NRG3: variants seen among roughly 807,000 people sequenced by gnomAD.
NRG3 encodes the protein pro-neuregulin-3, membrane-bound isoform.
In NRG3, 31 loss-of-function variants were observed where a neutral mutation model predicts 66.9. The ratio of observed to expected loss-of-function variants is 0.46; its 90% CI spans 0.35 to 0.63. NRG3 has a LOEUF of 0.63. Ranked by LOEUF, NRG3 falls within the 20% of genes least tolerant of loss-of-function variation. NRG3 has a pLI of 0.00. For missense variants in NRG3, 910 were observed against 878.9 expected (o/e 1.04, Z -0.45); for synonymous variants, 393 against 359.4 (o/e 1.09, Z -1.06).
intron 2 of NRG3, among the ~76,000 whole-genome samples, chr10:82,627,027 T>G (rs2049476366): frequency 6.6e-6 from 1 of 152,096 alleles, no homozygotes; most frequent in African/African-American, 2.4e-5. Flanking sequence ...CATATTGATG[T>G]TCATTGTAGT....
chr10:82,264,870 G>T (rs978155502), intron 1 of NRG3, among the ~76,000 whole-genome samples: 8 of 152,260 alleles, frequency 5.3e-5, no homozygotes, highest in Non-Finnish European at 8.8e-5. Flanking sequence ...ATAAAAGCCT[G>T]CCTGGAATGG....
chr10:82,972,317 A>T (rs1005919646), intron 6 of NRG3, among the ~76,000 whole-genome samples: 6 of 152,052 alleles, frequency 3.9e-5, no homozygotes, highest in African/African-American at 1.4e-4. Flanking sequence ...CCCAGCTAGG[A>T]TTTTTTGTTT....
chr10:82,314,031 AGT>A (rs2081173072), intron 1 of NRG3, among the ~76,000 whole-genome samples: 6 of 152,234 alleles, frequency 3.9e-5, no homozygotes, highest in African/African-American at 1.4e-4. Context: ...GCCTTGGGCA[AGT>A]TACTTGACTT....
intron 6 of NRG3, among the ~76,000 whole-genome samples, chr10:82,962,562 G>A (rs982423532): frequency 6.6e-6 from 1 of 152,148 alleles, no homozygotes; most frequent in Admixed American, 6.5e-5. Context: ...GCCTAGGCCA[G>A]GCGCAGTGGC....
At chr10:82,749,416 A>G (rs1471361446) in intron 3 of NRG3, among the ~76,000 whole-genome samples, 1 of 152,054 alleles carries the variant, frequency 6.6e-6, no homozygotes, top group Non-Finnish European at 1.5e-5. Flanking sequence ...CAAATGCCTA[A>G]GTTTCACCAC....
chr10:82,422,763 T>C (rs962086032), intron 2 of NRG3, among the ~76,000 whole-genome samples: 1 of 152,042 alleles, frequency 6.6e-6, no homozygotes, highest in African/African-American at 2.4e-5. Flanking sequence ...TTAAGGCAGC[T>C]TTGCTATGTG....
At chr10:82,080,066 G>A (rs1215579790) in intron 1 of NRG3, among the ~76,000 whole-genome samples, 2 of 152,128 alleles carry the variant, frequency 1.3e-5, no homozygotes, top group South Asian at 2.1e-4. Flanking sequence ...CGGGAGGTCT[G>A]CAAGGCAATC....
chr10:82,723,107 A>C (rs576670640), intron 2 of NRG3, among the ~76,000 whole-genome samples: 1 of 152,344 alleles, frequency 6.6e-6, no homozygotes, highest in East Asian at 1.9e-4. Context: ...AAGAAAAATG[A>C]GGTAATATAC....
chr10:82,984,732 A>G (rs1352703509), intron 8 of NRG3: 11 of 1,545,746 alleles, frequency 7.1e-6, no homozygotes, highest in Non-Finnish European at 9.6e-6. Flanking sequence ...TGTTTGTCAC[A>G]ATGGAAAGGC....
intron 1 of NRG3, among the ~76,000 whole-genome samples, chr10:82,336,005 C>T (rs961759038): frequency 2.0e-5 from 3 of 152,074 alleles, no homozygotes; most frequent in African/African-American, 4.8e-5. Context: ...CATTGCAGCT[C>T]AAAAAGCCAT....
chr10:81,994,611 A>T (rs560418371), intron 1 of NRG3, among the ~76,000 whole-genome samples: 1 of 152,084 alleles, frequency 6.6e-6, no homozygotes, highest in African/African-American at 2.4e-5. Flanking sequence ...ATGAGATAAT[A>T]GCTTTCTATT....
At chr10:82,518,584 G>T (rs1845907766) in intron 2 of NRG3, among the ~76,000 whole-genome samples, 1 of 151,960 alleles carries the variant, frequency 6.6e-6, no homozygotes. Flanking sequence ...ATTTTATTTG[G>T]CCTTACACAT....
In NRG3 at chr10:82,358,846, A is replaced by G. The variant is rs761564574; in HGVS notation, c.931A>G (p.Thr311Ala). 1.2e-6 allele frequency: 2 copies of G among 1,614,172 alleles called. No homozygotes were observed. Among genetic ancestry groups the G allele is most frequent in the Non-Finnish European group, 1.7e-6 (2 of 1,180,022 alleles). Residue 311 changes from threonine to alanine, a missense_variant, in exon 2 of 9, where the codon ACC becomes GCC. Thr to Ala is a moderately conservative substitution (Grantham distance 58). Coordinates refer to ENST00000372141, the MANE Select transcript of NRG3 (RefSeq NM_001010848.4). ...DGECFVIETL[T>A]GSHKHCRCKE... ...CGAGTGCTTTGTGATCGAAACCCTGACCGGATCCCATAAACACTGTCGGTA... is the reference window on the plus strand; with the variant it reads ...CGAGTGCTTTGTGATCGAAACCCTGGCCGGATCCCATAAACACTGTCGGTA...
intron 2 of NRG3, among the ~76,000 whole-genome samples, chr10:82,377,900 T>G (rs1286382929): frequency 6.6e-6 from 1 of 152,206 alleles, no homozygotes; most frequent in Non-Finnish European, 1.5e-5. Context: ...GGTGCCACCT[T>G]GTGGCAAATG....
At chr10:82,955,914 TC>T (rs1269479599) in intron 5 of NRG3, among the ~76,000 whole-genome samples, 3 of 151,862 alleles carry the variant, frequency 2.0e-5, no homozygotes, top group Non-Finnish European at 4.4e-5. Flanking sequence ...CTAGACCTTT[TC>T]CCCAACTTCA....
At chr10:82,079,561 G>A (rs973600956) in intron 1 of NRG3, among the ~76,000 whole-genome samples, 2 of 152,044 alleles carry the variant, frequency 1.3e-5, no homozygotes, top group Admixed American at 6.6e-5. Flanking sequence ...AATATGTAAC[G>A]ACATGCACCC....
chr10:82,802,492 A>G (rs1471925865), intron 3 of NRG3, among the ~76,000 whole-genome samples: 1 of 152,206 alleles, frequency 6.6e-6, no homozygotes, highest in Non-Finnish European at 1.5e-5. Flanking sequence ...GCAACTGCCA[A>G]GAACCTTGCA....
At chr10:82,880,910 C>T (rs1842245277) in intron 4 of NRG3, among the ~76,000 whole-genome samples, 1 of 152,108 alleles carries the variant, frequency 6.6e-6, no homozygotes, top group South Asian at 2.1e-4. Flanking sequence ...AGGAGTGGCT[C>T]CCCAGTGACC....
In NRG3 at chr10:81,976,133, T is replaced by C. The variant is rs547424801; in HGVS notation, c.823+99970T>C. 2.3e-4 allele frequency among the ~76,000 whole-genome samples: 35 copies of C among 152,326 alleles called. No homozygotes were observed. In the South Asian group the frequency reaches 6.8e-3, roughly 30 times the overall value. On this transcript the variant is annotated intron_variant, in intron 1 of 8. Coordinates refer to ENST00000372141, the MANE Select transcript of NRG3 (RefSeq NM_001010848.4). Reference sequence around the variant, plus strand: ...TACCACTAAGTTTATGTTAATCCCTTACATTAGTAATAGTAAACTAATATA... The same window carrying C: ...TACCACTAAGTTTATGTTAATCCCTCACATTAGTAATAGTAAACTAATATA...
Sources: gnomAD v4.1 joint callset for allele counts (sites outside exome capture counted in the v4.1 genomes callset) on GRCh38, gnomAD v4.1.1 for gene constraint, MANE v1.5 for transcripts, NCBI Gene and HGNC (gene_info 2026-07-23, HGNC 2026-07-21) for gene names.